ATXN3: variants seen among roughly 807,000 people sequenced by gnomAD.
ATXN3 encodes ataxin 3, also known as ataxin-3.
In ATXN3, 28 loss-of-function variants were observed where a neutral mutation model predicts 58.2. That is an observed-to-expected ratio of 0.48 (90% CI 0.36 to 0.66). The LOEUF (loss-of-function observed/expected upper bound fraction) is 0.66, where lower values mean the gene tolerates loss of function less well. Among genes scored for constraint, ATXN3 ranks in the 30% least tolerant of loss-of-function variants. The pLI is 0.00. For missense variants in ATXN3, 321 were observed against 422.1 expected, an observed-to-expected ratio of 0.76 and a Z score of 2.10; for synonymous variants, 113 against 138.5, an observed-to-expected ratio of 0.82 and a Z score of 1.29.
intron 1 of ATXN3, among the ~76,000 whole-genome samples, chr14:92,104,032 A>C (rs950904773): frequency 5.9e-5 from 9 of 152,246 alleles, no homozygotes; most frequent in African/African-American, 2.2e-4. Context: ...AAAAAACTAA[A>C]TTGTTGAATC....
Position 92,106,533 on chromosome 14 carries a change from T to C in ATXN3, c.20A>G (p.Glu7Gly). Residue 7 changes from glutamate to glycine, a missense_variant, in exon 1 of 11, where the codon GAG becomes GGG. Around this residue, in one of 2 missense-constraint regions of ATXN3, gnomAD observed 121 missense variants for 198.9 expected, o/e 0.61. Coordinates refer to ENST00000644486, the MANE Select transcript of ATXN3 (RefSeq NM_004993.6). MESIFH[E>G]KQEGSLCAQH... ...CCACCGAACGCGGACACTCACTTTC[T>C]CGTGGAAGATGGACTCCATGTTTAT... 6.2e-7 allele frequency: 1 copy of C among 1,612,880 alleles called. No homozygotes were observed. Among genetic ancestry groups the C allele is most frequent in the Non-Finnish European group, 8.5e-7 (1 of 1,179,554 alleles).
intron 6 of ATXN3, among the ~76,000 whole-genome samples, chr14:92,084,589 T>A (rs563156654): frequency 8.8e-4 from 133 of 151,534 alleles, no homozygotes; most frequent in Middle Eastern, 6.8e-3. Flanking sequence ...TTTTTTTTTT[T>A]AATTTGAGAT....
intron 1 of ATXN3, among the ~76,000 whole-genome samples, chr14:92,105,960 C>T (rs551076709): frequency 6.6e-6 from 1 of 152,308 alleles, no homozygotes; most frequent in Non-Finnish European, 1.5e-5. Flanking sequence ...TCCTAAATGT[C>T]AGGCCCTACA....
At chr14:92,095,044 A>G (rs2064843775) in intron 3 of ATXN3, among the ~76,000 whole-genome samples, 1 of 151,846 alleles carries the variant, frequency 6.6e-6, no homozygotes, top group Admixed American at 6.6e-5. Flanking sequence ...AGATAAAAGA[A>G]TCTTGCGAGT....
In ATXN3 at chr14:92,063,765, T is replaced by A. The variant is rs954363063; in HGVS notation, c.*555A>T. 2.6e-5 allele frequency: 4 copies of A among 152,126 alleles called. No individual in the cohort carries two copies. The highest frequency in any genetic ancestry group is 9.7e-5 in the African/African-American group (4 of 41,406). 9.4% of individuals were successfully genotyped at this position (152,126 alleles called of 1,614,324 possible). On this transcript the variant is annotated 3_prime_UTR_variant, in exon 11 of 11. Transcript: ENST00000644486. Reference sequence around the variant, plus strand: ...AAACCAGGTAGCAGAAAAGTTGTGATCAGAGAAAACAACACAAGAAAACAC... The same window carrying A: ...AAACCAGGTAGCAGAAAAGTTGTGAACAGAGAAAACAACACAAGAAAACAC...
chr14:92,056,892 G>A (rs2057471630), downstream of ATXN3, among the ~76,000 whole-genome samples: 1 of 152,162 alleles, frequency 6.6e-6, no homozygotes, highest in Non-Finnish European at 1.5e-5. Flanking sequence ...TAAGTCACAG[G>A]ATGAGATAGA....
chr14:92,091,423 C>A (rs2063759838), intron 5 of ATXN3, among the ~76,000 whole-genome samples: 1 of 151,280 alleles, frequency 6.6e-6, no homozygotes, highest in Non-Finnish European at 1.5e-5. Context: ...TGCAATCCAG[C>A]CTGGGCGATA....
In ATXN3 at chr14:92,083,181, GT is replaced by G. The variant is rs778230305; in HGVS notation, c.552del (p.Gln184HisfsTer13). Reference sequence around the variant, plus strand: ...CCAATAAGTTTTGGTCGATGCATCTGTTGGACCCTAATCATCTGCAGGAGTT... The same window carrying G: ...CCAATAAGTTTTGGTCGATGCATCTGTGGACCCTAATCATCTGCAGGAGTT... ...ADQLLQMIRV[Q>X]QMHRPKLIGE... On this transcript the variant is annotated frameshift_variant, in exon 7 of 11. Transcript: ENST00000644486. LOFTEE classifies it high-confidence loss of function. 6.2e-7 allele frequency: 1 copy of G among 1,613,838 alleles called. No individual in the cohort carries two copies. Among genetic ancestry groups the G allele is most frequent in the Admixed American group, 1.7e-5 (1 of 59,982 alleles).
At chr14:92,044,925 C>T (rs888192433) in exon 3 of ATXN3, 1 of 152,062 alleles carries the variant, frequency 6.6e-6, no homozygotes, top group Admixed American at 6.6e-5. Context: ...AAGAACTGAT[C>T]GTCCAGCTAG....
rs1009020455 is a variant in ATXN3, at chr14:92,065,421, T to C, written c.992-1007A>G. Among the ~76,000 whole-genome samples the C allele has an allele frequency of 3.9e-5, 6 of 152,230 alleles. No individual in the cohort carries two copies. The South Asian group carries it at 8.3e-4, about 21-fold the overall frequency. On this transcript the variant is annotated intron_variant, in intron 10 of 10. Coordinates refer to ENST00000644486, the MANE Select transcript of ATXN3 (RefSeq NM_004993.6). ...AAGCTGCTATAAACATTCATGTACA[T>C]GTTTTTGTGAGAATATAAATTTCTA...
rs2057998610 is a variant in ATXN3 at position 92,064,329 on chromosome 14, T to C, written c.1077A>G (p.Gly359=). 6.2e-7 allele frequency: 1 copy of C among 1,603,758 alleles called. No individual in the cohort carries two copies. Among genetic ancestry groups the C allele is most frequent in the Non-Finnish European group, 8.5e-7 (1 of 1,171,202 alleles). ...TTATTTTTTAAAGGTATTATTTTTT[T>C]CCTTCTGTTTTCAAATCATTTCTGA... is the stretch of plus-strand genomic sequence containing the variant. ...ETVRNDLKTE[G]KK is the part of the protein sequence containing the mutation. Residue 359 remains glycine, a synonymous_variant, in exon 11 of 11, where the codon GGA becomes GGG. Transcript: ENST00000644486.
At position 92,058,639 on chromosome 14, in the gene ATXN3, G is replaced by C. The variant is rs2057528628; in HGVS notation, c.*5681C>G. On this transcript the variant is annotated 3_prime_UTR_variant, in exon 11 of 11. Coordinates refer to ENST00000644486, the MANE Select transcript of ATXN3 (RefSeq NM_004993.6). ...ATCCACACTAACAACAGAATCCTGT[G>C]TTCAACAGTGCTTTGGAAGCCCGGC... 6.6e-6 allele frequency: 1 copy of C among 152,182 alleles called. No individual in the cohort carries two copies. Among genetic ancestry groups the C allele is most frequent in the Non-Finnish European group, 1.5e-5 (1 of 68,034 alleles). The allele number at this position is 152,182 out of a possible 1,614,324, so 9.4% of individuals were successfully genotyped here.
rs2057763977 is a variant in ATXN3, at chr14:92,061,328, T to C, written c.*2992A>G. 6.6e-6 allele frequency: 1 copy of C among 152,118 alleles called. No homozygotes were observed. The highest frequency in any genetic ancestry group is 2.1e-4 in the South Asian group (1 of 4,828). 9.4% of individuals were successfully genotyped at this position (152,118 alleles called of 1,614,324 possible). On this transcript the variant is annotated 3_prime_UTR_variant, in exon 11 of 11. Coordinates refer to ENST00000644486, the MANE Select transcript of ATXN3 (RefSeq NM_004993.6). ...CCAAGATCCTAGTATAGAGTTTACC[T>C]GCAGCAGCCTTTTCAAACAGTTTAT...
intron 10 of ATXN3, 175 bp downstream of exon 10, chr14:92,070,760 T>C (rs2059283279): frequency 1.2e-5 from 14 of 1,176,782 alleles, no homozygotes; most frequent in Middle Eastern, 2.8e-4. Flanking sequence ...TTTTTTTTTT[T>C]CTTTTGGTAA....
chr14:92,049,308 T>C (rs940966807), intron 1 of ATXN3, among the ~76,000 whole-genome samples: 6 of 152,030 alleles, frequency 3.9e-5, no homozygotes, highest in Admixed American at 2.0e-4. Context: ...CGCAATTGAC[T>C]TGCCACCAAG....
intron 5 of ATXN3, among the ~76,000 whole-genome samples, chr14:92,091,980 G>C (rs955303907): frequency 1.3e-5 from 2 of 151,952 alleles, no homozygotes; most frequent in African/African-American, 4.8e-5. Flanking sequence ...ACAGGCATGA[G>C]CCACTGCATC....
intron 5 of ATXN3, among the ~76,000 whole-genome samples, chr14:92,092,018 A>G (rs2063944996): frequency 6.6e-6 from 1 of 152,048 alleles, no homozygotes; most frequent in African/African-American, 2.4e-5. Flanking sequence ...TCACATTTGT[A>G]TACTGTACTC....
At chr14:92,098,551 C>T (rs143923548) in intron 1 of ATXN3, among the ~76,000 whole-genome samples, 1 of 152,110 alleles carries the variant, frequency 6.6e-6, no homozygotes, top group Non-Finnish European at 1.5e-5. Flanking sequence ...CATGCCACTG[C>T]CACTCCAGTC....
chr14:92,098,604 A>C (rs2065966688), intron 1 of ATXN3, among the ~76,000 whole-genome samples: 1 of 152,132 alleles, frequency 6.6e-6, no homozygotes, highest in Non-Finnish European at 1.5e-5. Context: ...TAAAAATAAA[A>C]AAATCTCCAC....
Sources: allele counts gnomAD v4.1 joint callset (sites outside exome capture counted in the v4.1 genomes callset), GRCh38; gene constraint gnomAD v4.1.1; regional missense constraint gnomAD v4.1.1; transcripts MANE v1.5; gene names NCBI Gene and HGNC (gene_info 2026-07-23, HGNC 2026-07-21).